BPIFC: variants seen among roughly 807,000 people sequenced by gnomAD.
BPIFC encodes the protein BPI fold-containing family C protein.
Under a neutral mutation model 57.6 loss-of-function variants are expected in BPIFC, and 60 were observed. The observed-to-expected ratio is 1.04, with a 90% CI of 0.85 to 1.29. The LOEUF is 1.29. BPIFC is among the 50% of genes most tolerant of loss of function. BPIFC has a pLI of 0.00. For missense variants in BPIFC, 581 were observed against 600.5 expected (o/e 0.97, Z 0.34); for synonymous variants, 243 against 224.5 (o/e 1.08, Z -0.74).
chr22:32,417,183 A>G (rs749436477), intron 14 of BPIFC, 35 bp from the exon 15 acceptor site: 3 of 1,256,632 alleles, frequency 2.4e-6, no homozygotes, highest in East Asian at 4.8e-5. Context: ...CAATTGGCAG[A>G]TCGGGCTTTT....
rs148946836 is a variant in BPIFC, at chr22:32,455,972, G to A, written c.124+1291C>T. Among the ~76,000 whole-genome samples the A allele has an allele frequency of 3.0e-3, 460 of 152,338 alleles. 3 individuals are homozygous for A. The highest frequency in any genetic ancestry group is 0.011 in the African/African-American group (442 of 41,572). ...CCGTTTGATCCTCACCTCACACTAAGTGTAGGTAGGTAGGCACCATTTTTA... is the reference window on the plus strand; with the variant it reads ...CCGTTTGATCCTCACCTCACACTAAATGTAGGTAGGTAGGCACCATTTTTA... On this transcript the variant is annotated intron_variant, in intron 3 of 16. Transcript: ENST00000300399.
At position 32,414,388 on chromosome 22, in the gene BPIFC, G is replaced by T; in HGVS notation, c.1439C>A (p.Thr480Lys). ...LLISTDLKYE[T>K]SSKQQPSFHV... Reference sequence around the variant, plus strand: ...GAAACTTGGCTGCTGCTTTGAGGATGTTTCATACTTCAGGTCGGTGGAAAT... The same window carrying T: ...GAAACTTGGCTGCTGCTTTGAGGATTTTTCATACTTCAGGTCGGTGGAAAT... Residue 480 changes from threonine to lysine, a missense_variant, in exon 17 of 17, where the codon ACA (threonine) becomes AAA (lysine). Transcript: ENST00000300399. 6.2e-7 allele frequency: 1 copy of T among 1,614,046 alleles called. No individual in the cohort carries two copies. The highest frequency in any genetic ancestry group is 1.1e-5 in the South Asian group (1 of 91,060).
chr22:32,463,831 A>T (rs1935209354), intron 1 of BPIFC, among the ~76,000 whole-genome samples: 1 of 152,222 alleles, frequency 6.6e-6, no homozygotes, highest in African/African-American at 2.4e-5. Context: ...TTGAGAATTC[A>T]TAGCATGTCT....
At chr22:32,448,527 A>G (rs1458844207) in intron 4 of BPIFC, among the ~76,000 whole-genome samples, 1 of 152,148 alleles carries the variant, frequency 6.6e-6, no homozygotes, top group Non-Finnish European at 1.5e-5. Flanking sequence ...TATCTTTGCT[A>G]GTGGAGAAAC....
In BPIFC at chr22:32,437,776, A is replaced by T. The variant is rs2073901007; in HGVS notation, c.731T>A (p.Leu244His). ...TAAAGTTACCTTCAAGTTCAGGTCA[A>T]GGTAGTTCTCAGTAATTTCTGGAGA... is the stretch of plus-strand genomic sequence containing the variant. ...ISSPEITENY[L>H]DLNLKGVFYP... Residue 244 changes from leucine to histidine, a missense_variant, in exon 9 of 17, where the codon CTT becomes CAT. Coordinates refer to ENST00000300399, the MANE Select transcript of BPIFC (RefSeq NM_174932.3). 5.0e-6 allele frequency: 8 copies of T among 1,605,052 alleles called. No homozygotes were observed. The highest frequency in any genetic ancestry group is 6.8e-6 in the Non-Finnish European group (8 of 1,171,926).
chr22:32,417,486 T>G (rs926078252), intron 14 of BPIFC, among the ~76,000 whole-genome samples: 1 of 152,194 alleles, frequency 6.6e-6, no homozygotes, highest in African/African-American at 2.4e-5. Flanking sequence ...CATGGGTGCT[T>G]CGAAAGTACC....
chr22:32,445,868 G>C lies in BPIFC; in HGVS notation c.503C>G (p.Ala168Gly), dbSNP rs755374247. ...GAGTTCTCCGGAAAATGAGACGTGGGCATGGCTCAGTTGGGCGTAGCAATC... is the reference window on the plus strand; with the variant it reads ...GAGTTCTCCGGAAAATGAGACGTGGCCATGGCTCAGTTGGGCGTAGCAATC... ...LQDCYAQLSH[A>G]HVSFSGELSV... is the part of the protein sequence containing the mutation. The change falls in exon 6 of 17, where the codon GCC (alanine) becomes GGC (glycine). Residue 168 changes from alanine to glycine, a missense_variant. Physicochemically the swap from Ala to Gly is moderately conservative, Grantham distance 60. Transcript: ENST00000300399. 2.5e-6 allele frequency: 4 copies of C among 1,614,108 alleles called. No homozygotes were observed. In the Admixed American group the frequency reaches 6.7e-5, roughly 27 times the overall value.
intron 7 of BPIFC, among the ~76,000 whole-genome samples, chr22:32,444,087 A>G (rs540368348): frequency 6.6e-6 from 1 of 152,266 alleles, no homozygotes; most frequent in East Asian, 1.9e-4. Flanking sequence ...TATTATCTTT[A>G]AGCCATAAAT....
intron 13 of BPIFC, among the ~76,000 whole-genome samples, chr22:32,430,322 T>G (rs576282490): frequency 6.6e-6 from 1 of 152,302 alleles, no homozygotes; most frequent in Non-Finnish European, 1.5e-5. Flanking sequence ...GAATAAGGAC[T>G]GGAAACTTGG....
At chr22:32,454,555 A>G (rs1934987180) in intron 3 of BPIFC, among the ~76,000 whole-genome samples, 1 of 152,236 alleles carries the variant, frequency 6.6e-6, no homozygotes, top group Admixed American at 6.5e-5. Context: ...AGCTTGAGAA[A>G]AGTAACCTCC....
intron 3 of BPIFC, among the ~76,000 whole-genome samples, chr22:32,456,445 T>G (rs1276950889): frequency 8.8e-6 from 1 of 113,552 alleles, no homozygotes; most frequent in Admixed American, 1.1e-4. Flanking sequence ...CTTTCTTCCC[T>G]CCCTCCCTCC....
chr22:32,446,957 G>A, intron 5 of BPIFC: 1 of 421,284 alleles, frequency 2.4e-6, no homozygotes, highest in South Asian at 1.0e-4. Flanking sequence ...TGATAGTCAG[G>A]GACTTCTAGT....
At chr22:32,449,695 C>T (rs1052383880) in intron 4 of BPIFC, among the ~76,000 whole-genome samples, 1 of 151,826 alleles carries the variant, frequency 6.6e-6, no homozygotes, top group African/African-American at 2.4e-5. Context: ...TACAATGTCA[C>T]AGTGAACATC....
chr22:32,451,643 A>G (rs1343425769), intron 4 of BPIFC, among the ~76,000 whole-genome samples: 4 of 152,124 alleles, frequency 2.6e-5, no homozygotes, highest in Non-Finnish European at 5.9e-5. Context: ...ACATGTATAC[A>G]TATGTAACAA....
chr22:32,447,169 C>A, intron 5 of BPIFC, 43 bp downstream of exon 5: 2 of 1,458,770 alleles, frequency 1.4e-6, no homozygotes, highest in Admixed American at 2.4e-5. Context: ...TTTTTGCTCA[C>A]ATTCTCCCAG....
intron 16 of BPIFC, among the ~76,000 whole-genome samples, chr22:32,415,698 A>C (rs1329162620): frequency 6.6e-6 from 1 of 152,246 alleles, no homozygotes; most frequent in African/African-American, 2.4e-5. Flanking sequence ...TTGGCTGCTA[A>C]GTGAAATTGA....
chr22:32,417,110 G>A lies in BPIFC; in HGVS notation c.1299C>T (p.His433=), dbSNP rs1456113205. 6 of 1,605,144 alleles carry A rather than the reference G, an allele frequency of 3.7e-6. No homozygotes were observed. Among genetic ancestry groups the A allele is most frequent in the Non-Finnish European group, 5.1e-6 (6 of 1,172,734 alleles). ...RFENILSSIL[H]FGVLPLANAK... Reference sequence around the variant, plus strand: ...CATTGGCCAGTGGGAGGACTCCAAAGTGAAGAATGGACGATAGAATATTTT... The same window carrying A: ...CATTGGCCAGTGGGAGGACTCCAAAATGAAGAATGGACGATAGAATATTTT... The change falls in exon 15 of 17, where the codon CAC becomes CAT. Residue 433 remains histidine (H), a synonymous_variant. Coordinates refer to ENST00000300399, the MANE Select transcript of BPIFC (RefSeq NM_174932.3).
intron 14 of BPIFC, among the ~76,000 whole-genome samples, chr22:32,417,647 C>T (rs1044526431): frequency 2.0e-5 from 3 of 152,200 alleles, no homozygotes; most frequent in Admixed American, 2.0e-4. Flanking sequence ...CTGCTTCCCT[C>T]TACACTGGAT....
chr22:32,455,797 T>C lies in BPIFC; in HGVS notation c.124+1466A>G, dbSNP rs569228373. Among the ~76,000 whole-genome samples the C allele has an allele frequency of 5.9e-5, 9 of 152,320 alleles. No individual in the cohort carries two copies. In the East Asian group the frequency reaches 1.4e-3, roughly 23 times the overall value. On this transcript the variant is annotated intron_variant, in intron 3 of 16. Transcript: ENST00000300399. ...AACAGCTTATTTGTAGGGTTGTTGG[T>C]GGAATTAGATCAACACACAGCCCAG... is the stretch of plus-strand genomic sequence containing the variant.
Sources: allele counts gnomAD v4.1 joint callset (sites outside exome capture counted in the v4.1 genomes callset), GRCh38; gene constraint gnomAD v4.1.1; transcripts MANE v1.5; gene names NCBI Gene and HGNC (gene_info 2026-07-23, HGNC 2026-07-21).